Variants in ZZZ3 observed in about 807,000 individuals in gnomAD.
The protein encoded by ZZZ3 is ZZ-type zinc finger-containing protein 3.
Under a neutral mutation model 95.2 loss-of-function variants are expected in ZZZ3, and 22 were observed. That is an observed-to-expected ratio of 0.23 (90% CI 0.17 to 0.33). The LOEUF (loss-of-function observed/expected upper bound fraction) is 0.33. Ranked by LOEUF, ZZZ3 falls within the 10% of genes least tolerant of loss-of-function variation. ZZZ3 has a pLI of 1.00. For missense variants in ZZZ3, 885 were observed against 1,066.5 expected, an observed-to-expected ratio of 0.83 and a Z score of 2.37; for synonymous variants, 335 against 358.9, an observed-to-expected ratio of 0.93 and a Z score of 0.75.
intron 1 of ZZZ3, among the ~76,000 whole-genome samples, chr1:77,663,443 A>T (rs565481216): frequency 6.6e-6 from 1 of 152,192 alleles, no homozygotes; most frequent in South Asian, 2.1e-4. Flanking sequence ...TCCTTCACTC[A>T]TTCCTGTCAA....
At position 77,565,671 on chromosome 1, in the gene ZZZ3, A is replaced by G. The variant is rs947230923; in HGVS notation, c.2681T>C (p.Leu894Pro). 1.2e-6 allele frequency: 2 copies of G among 1,613,916 alleles called. No homozygotes were observed. The highest frequency in any genetic ancestry group is 2.7e-5 in the African/African-American group (2 of 74,926). ...CVSQGTSYNY[L>P]DPNYFPANR Reference sequence around the variant, plus strand: ...GTTTGCTGGAAAGTAGTTTGGGTCAAGGTAATTGTAACTGGTGCCCTGAGA... The same window carrying G: ...GTTTGCTGGAAAGTAGTTTGGGTCAGGGTAATTGTAACTGGTGCCCTGAGA... Residue 894 changes from leucine to proline, a missense_variant, in exon 15 of 15, where the codon CTT (leucine) becomes CCT (proline). By Grantham distance (98) the Leu-to-Pro change is moderately conservative (BLOSUM62 -3). Transcript: ENST00000370801.
chr1:77,604,659 G>T (rs554401201), intron 5 of ZZZ3, among the ~76,000 whole-genome samples: 1 of 152,256 alleles, frequency 6.6e-6, no homozygotes, highest in East Asian at 1.9e-4. Flanking sequence ...ATGTAAACAT[G>T]TTTAAATTAA....
Position 77,562,739 on chromosome 1 carries a change from T to C in ZZZ3, c.*2901A>G, listed in dbSNP as rs1660518816. ...TTGCAAGCCTGGACATATGCTCAGG[T>C]TTGTACTCTTAGGAAGCACACCACA... is the stretch of plus-strand genomic sequence containing the variant. On this transcript the variant is annotated 3_prime_UTR_variant, in exon 15 of 15. Coordinates refer to ENST00000370801, the MANE Select transcript of ZZZ3 (RefSeq NM_015534.6). The C allele has an allele frequency of 6.6e-6, 1 of 152,208 alleles. No homozygotes were observed. The highest frequency in any genetic ancestry group is 1.5e-5 in the Non-Finnish European group (1 of 68,016). 9.4% of individuals were successfully genotyped at this position (152,208 alleles called of 1,614,324 possible).
chr1:77,619,681 T>C (rs961811073), intron 5 of ZZZ3, among the ~76,000 whole-genome samples: 1 of 152,174 alleles, frequency 6.6e-6, no homozygotes, highest in Admixed American at 6.5e-5. Context: ...ATTTCTTATA[T>C]GACCATGTAA....
chr1:77,629,971 C>T (rs138977468), intron 5 of ZZZ3, among the ~76,000 whole-genome samples: 24 of 152,162 alleles, frequency 1.6e-4, no homozygotes, highest in Middle Eastern at 6.8e-3. Context: ...GAATTATTAT[C>T]GGGCAATCTC....
At chr1:77,660,647 T>C (rs184116468) in intron 1 of ZZZ3, among the ~76,000 whole-genome samples, 6 of 152,324 alleles carry the variant, frequency 3.9e-5, no homozygotes, top group Non-Finnish European at 1.5e-5. Context: ...ATTTTAACTA[T>C]TGTGAACAGT....
chr1:77,588,219 T>C (rs1663303522), intron 5 of ZZZ3, among the ~76,000 whole-genome samples: 1 of 152,184 alleles, frequency 6.6e-6, no homozygotes, highest in Non-Finnish European at 1.5e-5. Context: ...AAATGTTGCA[T>C]TTTAAATGTA....
At chr1:77,673,538 A>G (rs1671976859) in intron 1 of ZZZ3, among the ~76,000 whole-genome samples, 1 of 152,186 alleles carries the variant, frequency 6.6e-6, no homozygotes, top group South Asian at 2.1e-4. Flanking sequence ...TGGAGGTCGC[A>G]GTGAGCTGAG....
chr1:77,659,002 T>G (rs1670541956), intron 1 of ZZZ3, among the ~76,000 whole-genome samples: 1 of 152,128 alleles, frequency 6.6e-6, no homozygotes, highest in Non-Finnish European at 1.5e-5. Context: ...GCGGATCACC[T>G]GAGGTCAGGA....
chr1:77,675,459 G>A (rs186266803), intron 1 of ZZZ3, among the ~76,000 whole-genome samples: 29 of 152,164 alleles, frequency 1.9e-4, no homozygotes, highest in African/African-American at 6.0e-4. Context: ...TGTGGCAGCC[G>A]AATTCCAGTA....
At chr1:77,655,104 C>T (rs532863387) in intron 1 of ZZZ3, among the ~76,000 whole-genome samples, 17 of 152,268 alleles carry the variant, frequency 1.1e-4, no homozygotes, top group African/African-American at 3.6e-4. Context: ...AATGTGCTAG[C>T]TCAGGTCTCT....
At chr1:77,645,863 C>A (rs563041951) in intron 1 of ZZZ3, among the ~76,000 whole-genome samples, 5 of 150,370 alleles carry the variant, frequency 3.3e-5, no homozygotes, top group African/African-American at 1.2e-4. Flanking sequence ...CCCAGCTACT[C>A]GGGAGGCTGA....
chr1:77,580,455 C>A (rs1461297102), intron 9 of ZZZ3: 1 of 152,246 alleles, frequency 6.6e-6, no homozygotes, highest in Admixed American at 6.5e-5. Flanking sequence ...TCCACTTCTA[C>A]TCCCCTCTCA....
chr1:77,641,320 T>C, intron 3 of ZZZ3, 64 bp downstream of exon 3: 2 of 371,108 alleles, frequency 5.4e-6, no homozygotes, highest in Non-Finnish European at 4.8e-6. Flanking sequence ...AGGAAGATTA[T>C]CCACTACGAT....
intron 4 of ZZZ3, among the ~76,000 whole-genome samples, chr1:77,637,253 A>G (rs1040973327): frequency 6.6e-6 from 1 of 152,192 alleles, no homozygotes; most frequent in African/African-American, 2.4e-5. Flanking sequence ...AAAAAAATTT[A>G]TAAATAAGAC....
chr1:77,577,979 G>A (rs571787835), intron 11 of ZZZ3, among the ~76,000 whole-genome samples: 1 of 152,246 alleles, frequency 6.6e-6, no homozygotes, highest in African/African-American at 2.4e-5. Flanking sequence ...CTTCTCCACT[G>A]TAGAAAGCAA....
chr1:77,667,763 C>CTTTTTTTTTTTTTTTTTTTTTT, intron 1 of ZZZ3, among the ~76,000 whole-genome samples: 1 of 115,110 alleles, frequency 8.7e-6, no homozygotes, highest in Non-Finnish European at 1.8e-5. Flanking sequence ...AATGGGTATT[C>CTTTTTTTTTTTTTTTTTTTTTT]TTTTTTTTTT....
intron 1 of ZZZ3, among the ~76,000 whole-genome samples, chr1:77,644,960 C>T (rs111733402): frequency 3.9e-5 from 6 of 152,240 alleles, no homozygotes; most frequent in East Asian, 1.9e-4. Context: ...CAATGGCTCA[C>T]GCTGGTCATC....
chr1:77,654,745 G>A (rs1476325918), intron 1 of ZZZ3, among the ~76,000 whole-genome samples: 1 of 152,132 alleles, frequency 6.6e-6, no homozygotes, highest in African/African-American at 2.4e-5. Context: ...CCATCTCTAT[G>A]AAGCTTACTC....
Sources: gnomAD v4.1 joint callset for allele counts (sites outside exome capture counted in the v4.1 genomes callset) on GRCh38, gnomAD v4.1.1 for gene constraint, MANE v1.5 for transcripts, NCBI Gene and HGNC (gene_info 2026-07-23, HGNC 2026-07-21) for gene names.